The following SCFD2 variants were observed in gnomAD, a reference collection of about 807,000 sequenced individuals.
SCFD2 encodes sec1 family domain containing 2.
In SCFD2, 54 loss-of-function variants were observed where a neutral mutation model predicts 58.9. The observed-to-expected ratio is 0.92, with a 90% CI of 0.74 to 1.15. The LOEUF is 1.15. SCFD2 is among the 50% of genes most tolerant of loss of function. SCFD2 has a pLI of 0.00. For missense variants in SCFD2, 805 were observed against 836.6 expected, an observed-to-expected ratio of 0.96 and a Z score of 0.47; for synonymous variants, 321 against 335.9, an observed-to-expected ratio of 0.96 and a Z score of 0.49.
intron 4 of SCFD2, among the ~76,000 whole-genome samples, chr4:53,223,019 G>T (rs1262951148): frequency 1.3e-5 from 2 of 152,084 alleles, no homozygotes; most frequent in East Asian, 3.9e-4. Context: ...ACAAACACGA[G>T]AGCCCTGGGA....
intron 2 of SCFD2, among the ~76,000 whole-genome samples, chr4:53,344,835 A>G (rs527254606): frequency 6.6e-6 from 1 of 152,226 alleles, no homozygotes; most frequent in Non-Finnish European, 1.5e-5. Flanking sequence ...ACCTGAGAAA[A>G]CAAGCAACGG....
chr4:53,344,345 C>T (rs1733986685), intron 2 of SCFD2, among the ~76,000 whole-genome samples: 2 of 152,232 alleles, frequency 1.3e-5, no homozygotes, highest in South Asian at 4.2e-4. Flanking sequence ...AACTCCCATT[C>T]ACAATTGCTA....
At chr4:53,139,788 A>G (rs1278853063) in intron 5 of SCFD2, among the ~76,000 whole-genome samples, 2 of 152,250 alleles carry the variant, frequency 1.3e-5, no homozygotes, top group Admixed American at 6.5e-5. Flanking sequence ...GGGGAAAAGA[A>G]AGAGAGATCG....
chr4:53,069,149 A>G (rs1237858079), intron 5 of SCFD2, among the ~76,000 whole-genome samples: 1 of 152,058 alleles, frequency 6.6e-6, no homozygotes, highest in African/African-American at 2.4e-5. Flanking sequence ...TCCGCTAGGG[A>G]ATCCAGAGAA....
intron 2 of SCFD2, among the ~76,000 whole-genome samples, chr4:53,323,642 A>G (rs1373166225): frequency 6.6e-6 from 1 of 150,850 alleles, no homozygotes; most frequent in Non-Finnish European, 1.5e-5. Flanking sequence ...AGCCTCCCGA[A>G]ATACTGGGAT....
At chr4:53,257,029 T>C (rs1730664923) in intron 4 of SCFD2, among the ~76,000 whole-genome samples, 2 of 152,110 alleles carry the variant, frequency 1.3e-5, no homozygotes, top group African/African-American at 2.4e-5. Context: ...AGTGACAATA[T>C]AATCTGTACA....
rs1728643137 is a variant in SCFD2 at position 53,212,396 on chromosome 4, T to TGAA, written c.1311+61429_1311+61430insTTC. Among the ~76,000 whole-genome samples the TGAA allele has an allele frequency of 1.3e-5, 2 of 151,904 alleles. 1 individual carries two copies. The highest frequency in any genetic ancestry group is 4.8e-5 in the African/African-American group (2 of 41,260). On this transcript the variant is annotated intron_variant, in intron 4 of 8. Transcript: ENST00000401642. ...ATCAATTACCTAGTCAGCAGGTGTTTGTCCATGTCACTTCCCAAACCAATA... is the reference window on the plus strand; with the variant it reads ...ATCAATTACCTAGTCAGCAGGTGTTTGAAGTCCATGTCACTTCCCAAACCAATA...
chr4:53,020,347 C>A (rs564630155), intron 5 of SCFD2, among the ~76,000 whole-genome samples: 14 of 152,232 alleles, frequency 9.2e-5, no homozygotes, highest in African/African-American at 3.4e-4. Flanking sequence ...GTGAGTTAAT[C>A]GGTTACTGTT....
At chr4:53,360,199 A>C (rs1219690467) in intron 1 of SCFD2, among the ~76,000 whole-genome samples, 1 of 152,244 alleles carries the variant, frequency 6.6e-6, no homozygotes, top group Non-Finnish European at 1.5e-5. Flanking sequence ...ATGTAACACT[A>C]TGTGGAAACA....
intron 1 of SCFD2, among the ~76,000 whole-genome samples, chr4:53,357,150 G>A (rs137868523): frequency 1.5e-3 from 221 of 152,160 alleles, no homozygotes; most frequent in Non-Finnish European, 2.7e-3. Context: ...AGCCAGGCTC[G>A]GTGGCTGATG....
rs557218043 is a variant in SCFD2 at position 52,901,706 on chromosome 4, T to G, written c.1842+5751A>C. ...CAATGATTTGGGATGACTTGTTATG[T>G]AGCAATAGATAAGCAGAACAGGTGG... is the stretch of plus-strand genomic sequence containing the variant. On this transcript the variant is annotated intron_variant, in intron 7 of 8. Transcript: ENST00000401642. Among the ~76,000 whole-genome samples, 613 of 152,312 alleles carry G rather than the reference T, an allele frequency of 4.0e-3. 8 individuals are homozygous for G. The highest frequency in any genetic ancestry group is 0.014 in the African/African-American group (582 of 41,564).
intron 4 of SCFD2, among the ~76,000 whole-genome samples, chr4:53,242,839 C>A (rs1283057998): frequency 6.6e-6 from 1 of 152,110 alleles, no homozygotes; most frequent in African/African-American, 2.4e-5. Flanking sequence ...AATGTAATAT[C>A]ACAAGTACTA....
At chr4:53,200,556 A>T (rs1728198686) in intron 4 of SCFD2, among the ~76,000 whole-genome samples, 4 of 152,126 alleles carry the variant, frequency 2.6e-5, no homozygotes. Context: ...TTAAGGTAAA[A>T]GCAATAATCT....
intron 5 of SCFD2, among the ~76,000 whole-genome samples, chr4:52,931,067 A>G (rs982223267): frequency 6.6e-6 from 1 of 152,186 alleles, no homozygotes; most frequent in Non-Finnish European, 1.5e-5. Context: ...TTCCCAAGGA[A>G]GGCAGCACAC....
chr4:53,323,467 G>A (rs6857744), intron 2 of SCFD2, among the ~76,000 whole-genome samples: 71,127 of 150,772 alleles, frequency 0.47, 17,987 homozygotes, highest in Admixed American at 0.55. Context: ...TAGACTTCCT[G>A]GACCAAGTGA....
chr4:53,220,586 AAG>A (rs1729019702), intron 4 of SCFD2, among the ~76,000 whole-genome samples: 1 of 96,192 alleles, frequency 1.0e-5, no homozygotes, highest in South Asian at 3.2e-4. Flanking sequence ...CAGTTACTCA[AAG>A]ACCATACAAA....
chr4:52,907,708 ATGTGTGTGTGTGTG>A (rs10557430), intron 6 of SCFD2, 117 bp from the exon 7 acceptor site: 9 of 684,986 alleles, frequency 1.3e-5, no homozygotes, highest in African/African-American at 7.4e-5. Flanking sequence ...CAATGCCTAT[ATGTGTGTGTGTGTG>A]TGTGTGTGTG....
At chr4:53,047,625 T>G (rs973806045) in intron 5 of SCFD2, among the ~76,000 whole-genome samples, 1 of 152,202 alleles carries the variant, frequency 6.6e-6, no homozygotes, top group Admixed American at 6.5e-5. Context: ...GTGACTGACA[T>G]GCATGTTACA....
At chr4:53,057,761 G>A (rs1435817645) in intron 5 of SCFD2, among the ~76,000 whole-genome samples, 2 of 152,112 alleles carry the variant, frequency 1.3e-5, no homozygotes, top group Non-Finnish European at 2.9e-5. Context: ...ATTCAAGATA[G>A]GGAGGGAGAA....
Sources: gnomAD v4.1 joint callset for allele counts (sites outside exome capture counted in the v4.1 genomes callset) on GRCh38, gnomAD v4.1.1 for gene constraint, MANE v1.5 for transcripts, NCBI Gene and HGNC (gene_info 2026-07-23, HGNC 2026-07-21) for gene names.